Variants in NAV3 observed in about 807,000 individuals in gnomAD.
NAV3 encodes the protein neuron navigator 3, also known as pore membrane and/or filament interacting like protein 1.
A neutral mutation model predicts 244.7 loss-of-function variants in NAV3; 87 were observed. The ratio of observed to expected loss-of-function variants is 0.36; its 90% CI spans 0.30 to 0.42. NAV3 has a LOEUF of 0.42. NAV3 is among the 20% of genes least tolerant of loss of function. NAV3 has a pLI of 1.00. For synonymous variants in NAV3, 1,126 were observed against 1,042.2 expected (o/e 1.08, Z -1.55); for missense variants, 2,663 against 2,893.3 (o/e 0.92, Z 1.83).
chr12:78,088,148 T>A (rs1412476757), intron 12 of NAV3, among the ~76,000 whole-genome samples: 1 of 151,644 alleles, frequency 6.6e-6, no homozygotes, highest in African/African-American at 2.4e-5. Flanking sequence ...ACATAATGGT[T>A]TTTATAATTT....
Position 77,856,815 on chromosome 12 carries a change from A to G in NAV3, c.243+25111A>G, listed in dbSNP as rs146527282. ...CCAGACATTTAGAATTATGCACTTT[A>G]AAATTTGAATGGTTTCAATTCAAAA... is the stretch of plus-strand genomic sequence containing the variant. On this transcript the variant is annotated intron_variant, in intron 1 of 39. Transcript: ENST00000397909. Among the ~76,000 whole-genome samples the G allele has an allele frequency of 2.2e-3, 329 of 152,266 alleles. 5 individuals carry two copies. The highest frequency in any genetic ancestry group is 7.0e-3 in the African/African-American group (291 of 41,586).
chr12:78,210,535 G>A lies in NAV3; in HGVS notation c.*18G>A, dbSNP rs1387096574. Reference sequence around the variant, plus strand: ...CCCTCTAGAGGGTGAAAAAAGTTAAGGGAAAAGACTTTGCTTTTAAAAAAA... The same window carrying A: ...CCCTCTAGAGGGTGAAAAAAGTTAAAGGAAAAGACTTTGCTTTTAAAAAAA... On this transcript the variant is annotated 3_prime_UTR_variant, in exon 40 of 40. Transcript: ENST00000397909. 3.7e-6 allele frequency: 6 copies of A among 1,604,850 alleles called. No homozygotes were observed. Among genetic ancestry groups the A allele is most frequent in the Non-Finnish European group, 4.2e-6 (5 of 1,177,162 alleles).
chr12:78,125,013 T>C (rs1366468223), intron 16 of NAV3, among the ~76,000 whole-genome samples: 4 of 152,174 alleles, frequency 2.6e-5, no homozygotes, highest in Non-Finnish European at 4.4e-5. Flanking sequence ...AGCTTTTTGT[T>C]TTCTTGACAA....
chr12:77,574,668 G>A (rs1370464563), intron 2 of NAV3, among the ~76,000 whole-genome samples: 1 of 152,042 alleles, frequency 6.6e-6, no homozygotes, highest in Non-Finnish European at 1.5e-5. Flanking sequence ...TTCAAAGCAA[G>A]GTACATTGAA....
At chr12:77,792,334 G>C (rs1016293242) in intron 2 of NAV3, among the ~76,000 whole-genome samples, 2 of 152,170 alleles carry the variant, frequency 1.3e-5, no homozygotes, top group Admixed American at 6.5e-5. Context: ...GGTTGGTGGA[G>C]AATTAATCCT....
At chr12:77,790,514 A>G (rs1430632873) in intron 2 of NAV3, among the ~76,000 whole-genome samples, 1 of 152,166 alleles carries the variant, frequency 6.6e-6, no homozygotes, top group Non-Finnish European at 1.5e-5. Context: ...CTCCAGGATG[A>G]TGATCCTTGT....
chr12:78,100,948 C>A (rs1169080762), intron 12 of NAV3, among the ~76,000 whole-genome samples: 2 of 152,088 alleles, frequency 1.3e-5, no homozygotes, highest in Non-Finnish European at 2.9e-5. Flanking sequence ...CTAAAGTTAT[C>A]TCCTCAAAGA....
chr12:77,909,419 C>T (rs1243154382), intron 1 of NAV3, among the ~76,000 whole-genome samples: 1 of 150,808 alleles, frequency 6.6e-6, no homozygotes, highest in Non-Finnish European at 1.5e-5. Context: ...TAAGAAATAC[C>T]AACTTAAAAT....
chr12:77,901,784 C>T (rs1255949702), intron 1 of NAV3, among the ~76,000 whole-genome samples: 3 of 152,124 alleles, frequency 2.0e-5, no homozygotes, highest in African/African-American at 7.2e-5. Context: ...CTGTTGATAC[C>T]AGTCTCAGCT....
At position 78,119,419 on chromosome 12, in the gene NAV3, T is replaced by C. The variant is rs2138609302; in HGVS notation, c.3223T>C (p.Ser1075Pro). The change falls in exon 15 of 40, where the codon TCA becomes CCA. Residue 1075 changes from serine to proline, a missense_variant. By Grantham distance (74) the Ser-to-Pro change is moderately conservative. Around this residue, in one of 6 missense-constraint regions of NAV3, gnomAD observed 1,521 missense variants for 1,497.0 expected, o/e 1.02. Transcript: ENST00000397909. ...FGFKKPSGVG[S>P]SAMITSSGAT... ...CTTTAAGAAACCAAGTGGAGTAGGG[T>C]CATCTGCCATGATCACCAGCAGTGG... 6.2e-7 allele frequency: 1 copy of C among 1,614,086 alleles called. No individual in the cohort carries two copies. Among genetic ancestry groups the C allele is most frequent in the Non-Finnish European group, 8.5e-7 (1 of 1,180,014 alleles).
At chr12:77,795,430 A>G (rs1454397810) in intron 2 of NAV3, among the ~76,000 whole-genome samples, 2 of 152,194 alleles carry the variant, frequency 1.3e-5, no homozygotes, top group African/African-American at 4.8e-5. Flanking sequence ...AAGGTGAAGC[A>G]GCAAGCGATG....
At chr12:77,692,955 T>C (rs954518222) in intron 2 of NAV3, among the ~76,000 whole-genome samples, 7 of 152,078 alleles carry the variant, frequency 4.6e-5, no homozygotes, top group African/African-American at 1.7e-4. Flanking sequence ...ACAAGTTATG[T>C]CTGAGTTAAA....
At chr12:78,010,037 A>G (rs1315174394) in intron 8 of NAV3, among the ~76,000 whole-genome samples, 3 of 152,204 alleles carry the variant, frequency 2.0e-5, no homozygotes, top group African/African-American at 7.2e-5. Context: ...CACCAGAGCA[A>G]GACCCTGTTT....
intron 9 of NAV3, among the ~76,000 whole-genome samples, chr12:78,032,518 C>T (rs1879174333): frequency 1.3e-5 from 2 of 152,132 alleles, no homozygotes; most frequent in Non-Finnish European, 2.9e-5. Context: ...TTAAGTACGT[C>T]ACTTAAATTT....
At chr12:77,649,351 G>A (rs910663631) in intron 2 of NAV3, among the ~76,000 whole-genome samples, 1 of 152,040 alleles carries the variant, frequency 6.6e-6, no homozygotes, top group Non-Finnish European at 1.5e-5. Context: ...AATAAGAGAG[G>A]TAATTGGTTA....
intron 3 of NAV3, among the ~76,000 whole-genome samples, chr12:77,961,861 T>G (rs904933299): frequency 3.1e-4 from 47 of 151,404 alleles, no homozygotes; most frequent in Admixed American, 2.2e-3. Context: ...AACATATACT[T>G]TAATATTTAG....
In NAV3 at chr12:77,925,282, G is replaced by A. The variant is rs148486959; in HGVS notation, c.244-15037G>A. Among the ~76,000 whole-genome samples the A allele has an allele frequency of 3.9e-5, 6 of 152,112 alleles. No homozygotes were observed. In the East Asian group the frequency reaches 1.2e-3, roughly 29 times the overall value. On this transcript the variant is annotated intron_variant, in intron 1 of 39. Coordinates refer to ENST00000397909, the MANE Select transcript of NAV3 (RefSeq NM_001024383.2). ...TAAGAAGGGAAATTTTCTAAAATTT[G>A]GTTTAGAGGCTTGAATTTGAAATTT...
upstream of NAV3, among the ~76,000 whole-genome samples, chr12:77,826,464 C>G (rs1433365649): frequency 1.3e-5 from 2 of 152,110 alleles, no homozygotes; most frequent in African/African-American, 4.8e-5. Context: ...TGCACTCCAG[C>G]CTGGGTGACA....
chr12:77,928,495 C>G (rs756385807), intron 1 of NAV3, among the ~76,000 whole-genome samples: 6 of 152,080 alleles, frequency 3.9e-5, no homozygotes, highest in South Asian at 4.2e-4. Context: ...CGACCCCCTC[C>G]CTCCCTTCCT....
Sources: gnomAD v4.1 joint callset for allele counts (sites outside exome capture counted in the v4.1 genomes callset) on GRCh38, gnomAD v4.1.1 for gene constraint, gnomAD v4.1.1 regional missense constraint, MANE v1.5 for transcripts, NCBI Gene and HGNC (gene_info 2026-07-23, HGNC 2026-07-21) for gene names.